The following CSF1R variants were observed in gnomAD, a reference collection of about 807,000 sequenced individuals.
The protein encoded by CSF1R is colony stimulating factor 1 receptor.
Under a neutral mutation model 110.0 loss-of-function variants are expected in CSF1R, and 40 were observed. The observed-to-expected ratio is 0.36, with a 90% CI of 0.28 to 0.47. The LOEUF is 0.47. CSF1R is among the 20% of genes least tolerant of loss of function. The pLI is 0.99. For missense variants in CSF1R, 1,052 were observed against 1,253.0 expected (o/e 0.84, Z 2.42); for synonymous variants, 523 against 503.4 (o/e 1.04, Z -0.52).
rs1334700825 is a variant in CSF1R, at chr5:150,080,202, G to A, written c.442C>T (p.Leu148Phe). ...AAGGAGTAGTTGGTGTGGCGCATGA[G>A]GGGCCGGCCACGCACACGCACCAGC... ...VSLVRVRGRP[L>F]MRHTNYSFSP... The change falls in exon 3 of 21, where the codon CTC becomes TTC. Residue 148 changes from leucine to phenylalanine, a missense_variant. Coordinates refer to ENST00000675795, the MANE Select transcript of CSF1R (RefSeq NM_001288705.3). 9 of 1,613,580 alleles carry A rather than the reference G, an allele frequency of 5.6e-6. No individual in the cohort carries two copies. The highest frequency in any genetic ancestry group is 7.6e-6 in the Non-Finnish European group (9 of 1,180,056).
intron 1 of CSF1R, among the ~76,000 whole-genome samples, chr5:150,099,737 C>T (rs977602049): frequency 7.7e-5 from 2 of 25,818 alleles, no homozygotes; most frequent in African/African-American, 3.2e-4. Context: ...TTCAAAGAAC[C>T]GGCAGGGGGG....
intron 1 of CSF1R, among the ~76,000 whole-genome samples, chr5:150,086,156 A>G (rs1758836177): frequency 6.6e-6 from 1 of 152,208 alleles, no homozygotes; most frequent in Non-Finnish European, 1.5e-5. Flanking sequence ...AGTCGCTGGC[A>G]GAGCTGGGAC....
intron 19 of CSF1R, 75 bp from the exon 20 acceptor site, chr5:150,054,505 G>C: frequency 7.9e-7 from 1 of 1,259,678 alleles, no homozygotes; most frequent in East Asian, 2.4e-5. Flanking sequence ...CCCCTAGAGA[G>C]ACCTACCCAG....
At chr5:150,094,318 A>G in intron 1 of CSF1R, 1 of 1,595,528 alleles carries the variant, frequency 6.3e-7, no homozygotes, top group Non-Finnish European at 8.5e-7. Flanking sequence ...GGTGTAGAAG[A>G]GAAGAAGAAG....
Position 150,078,106 on chromosome 5 carries a change from A to G in CSF1R, c.729+6T>C. Reference sequence around the variant, plus strand: ...AGACTTCACCTTGTGATCTGCAGGGACTGACCTTGGTGTTGTTGTGTTGGA... The same window carrying G: ...AGACTTCACCTTGTGATCTGCAGGGGCTGACCTTGGTGTTGTTGTGTTGGA... On this transcript the variant is annotated splice_donor_region_variant and intron_variant, in intron 4 of 20. Transcript: ENST00000675795. 1 of 1,614,040 alleles carries G rather than the reference A, an allele frequency of 6.2e-7. No individual in the cohort carries two copies. Among genetic ancestry groups the G allele is most frequent in the African/African-American group, 1.3e-5 (1 of 75,008 alleles).
chr5:150,053,793 G>T lies in CSF1R; in HGVS notation c.*276C>A. 1.9e-6 allele frequency: 1 copy of T among 536,604 alleles called. No individual in the cohort carries two copies. Among genetic ancestry groups the T allele is most frequent in the Non-Finnish European group, 3.4e-6 (1 of 298,094 alleles). The allele number at this position is 536,604 out of a possible 1,614,324, so 33.2% of individuals were successfully genotyped here. A position where few individuals can be genotyped will look rare whatever the true frequency, so the allele number is the denominator to read the frequency against. On this transcript the variant is annotated 3_prime_UTR_variant, in exon 21 of 21. Coordinates refer to ENST00000675795, the MANE Select transcript of CSF1R (RefSeq NM_001288705.3). ...ATTAGGAAAGAAGGTTCTACTAGTT[G>T]GCATAGCAAACACGAGGCCAACACC...
At chr5:150,095,175 G>C in intron 1 of CSF1R, 1 of 625,326 alleles carries the variant, frequency 1.6e-6, no homozygotes, top group Non-Finnish European at 2.7e-6. Context: ...TGATAGACCC[G>C]AAAGGAGAGA....
Position 150,078,132 on chromosome 5 carries a change from G to A in CSF1R, c.709C>T (p.Leu237Phe), listed in dbSNP as rs770232434. The A allele has an allele frequency of 2.5e-6, 4 of 1,614,124 alleles. No homozygotes were observed. The highest frequency in any genetic ancestry group is 3.4e-6 in the Non-Finnish European group (4 of 1,179,996). The part of the protein sequence containing the change: ...SSVDVNFDVF[L>F]QHNNTKLAIP... Reference sequence around the variant, plus strand: ...CTGACCTTGGTGTTGTTGTGTTGGAGGAAGACATCAAAGTTAACATCAACG... The same window carrying A: ...CTGACCTTGGTGTTGTTGTGTTGGAAGAAGACATCAAAGTTAACATCAACG... The change falls in exon 4 of 21, where the codon CTC becomes TTC. Residue 237 changes from leucine to phenylalanine, a missense_variant. Physicochemically the swap from Leu to Phe is conservative, Grantham distance 22. This residue lies in a region of CSF1R where 693 missense variants were observed against 735.4 expected (regional missense o/e 0.94). Transcript: ENST00000675795.
upstream of CSF1R, among the ~76,000 whole-genome samples, chr5:150,088,141 A>G (rs1343735930): frequency 1.3e-5 from 2 of 152,130 alleles, no homozygotes; most frequent in Non-Finnish European, 2.9e-5. Context: ...GTGTGTTTGT[A>G]TGTATATTTA....
In CSF1R at chr5:150,080,923, C is replaced by G; in HGVS notation, c.151G>C (p.Asp51His). ...GTCCAGTGAGGTGATGGGGGGCCAT[C>G]CCATTCCACGCTGCCATTGCCCACA... ...RCVGNGSVEW[D>H]GPPSPHWTLY... Residue 51 changes from aspartate to histidine, a missense_variant, in exon 2 of 21, where the codon GAT becomes CAT. Asp to His is a moderately conservative substitution (Grantham distance 81). This residue lies in a region of CSF1R where 693 missense variants were observed against 735.4 expected (regional missense o/e 0.94). Coordinates refer to ENST00000675795, the MANE Select transcript of CSF1R (RefSeq NM_001288705.3). The G allele has an allele frequency of 1.2e-6, 2 of 1,614,192 alleles. No individual in the cohort carries two copies. Among genetic ancestry groups the G allele is most frequent in the Non-Finnish European group, 8.5e-7 (1 of 1,180,038 alleles).
chr5:150,059,844 G>A lies in CSF1R; in HGVS notation c.1988C>T (p.Thr663Met), dbSNP rs200489778. ...CTHGGPVLVI[T>M]EYCCYGDLLN... ...CAGGTCGCCATAGCAACAGTACTCC[G>A]TGATGACCAGTACAGGGCCTAGAGC... is the stretch of plus-strand genomic sequence containing the variant. The change falls in exon 14 of 21, where the codon ACG (threonine) becomes ATG (methionine). Residue 663 changes from threonine to methionine, a missense_variant. Transcript: ENST00000675795. The A allele has an allele frequency of 6.8e-6, 11 of 1,613,924 alleles. No individual in the cohort carries two copies. Among genetic ancestry groups the A allele is most frequent in the South Asian group, 1.1e-5 (1 of 91,070 alleles).
intron 13 of CSF1R, 95 bp from the exon 14 acceptor site, chr5:150,059,957 G>C: frequency 7.1e-7 from 1 of 1,404,850 alleles, no homozygotes; most frequent in South Asian, 1.4e-5. Context: ...CACTGGACTT[G>C]GACTCAGCAT....
intron 1 of CSF1R, among the ~76,000 whole-genome samples, chr5:150,083,533 C>T (rs1475009582): frequency 6.6e-6 from 1 of 152,056 alleles, no homozygotes; most frequent in Non-Finnish European, 1.5e-5. Context: ...CTCATCCACT[C>T]ATCATTGGTC....
In CSF1R at chr5:150,080,761, C is replaced by A; in HGVS notation, c.307+6G>T. ...GGCCTCTTGGGAGGAGGCTCAGACT[C>A]CTCACCTTTGACATAGAGGTGGATG... On this transcript the variant is annotated splice_donor_region_variant and intron_variant, in intron 2 of 20. Transcript: ENST00000675795. 1 of 1,614,036 alleles carries A rather than the reference C, an allele frequency of 6.2e-7. No homozygotes were observed. The highest frequency in any genetic ancestry group is 8.5e-7 in the Non-Finnish European group (1 of 1,179,974).
In CSF1R at chr5:150,085,774, C is replaced by T. The variant is rs532713800; in HGVS notation, c.49+605G>A. On this transcript the variant is annotated intron_variant, in intron 1 of 20. Transcript: ENST00000675795. Reference sequence around the variant, plus strand: ...TTACACAAGCCACCCAAGGAAGAACCACCACCCCTATCAGGCCCTTCCAAA... The same window carrying T: ...TTACACAAGCCACCCAAGGAAGAACTACCACCCCTATCAGGCCCTTCCAAA... Among the ~76,000 whole-genome samples, 5 of 152,280 alleles carry T rather than the reference C, an allele frequency of 3.3e-5. No individual in the cohort carries two copies. The South Asian group carries it at 1.0e-3, about 32-fold the overall frequency.
In CSF1R at chr5:150,069,888, T is replaced by C; in HGVS notation, c.1495A>G (p.Ile499Val). 6.2e-7 allele frequency: 1 copy of C among 1,611,966 alleles called. No individual in the cohort carries two copies. Among genetic ancestry groups the C allele is most frequent in the Non-Finnish European group, 8.5e-7 (1 of 1,178,936 alleles). ...NSVGSGSWAFIPISAGAHTHP... is the reference protein window; with the variant it reads ...NSVGSGSWAFVPISAGAHTHP... ...TCCCTCTCACCTGCAGAGATGGGTA[T>C]GAAGGCCCAGGAGCCACTCCCCACG... Residue 499 changes from isoleucine to valine, a missense_variant, in exon 9 of 21, where the codon ATA (isoleucine) becomes GTA (valine). This residue lies in a region of CSF1R where 693 missense variants were observed against 735.4 expected (regional missense o/e 0.94). Coordinates refer to ENST00000675795, the MANE Select transcript of CSF1R (RefSeq NM_001288705.3).
At position 150,053,898 on chromosome 5, in the gene CSF1R, G is replaced by A. The variant is rs1757047150; in HGVS notation, c.*171C>T. ...CAGTGATGGCCCATGCTCAGGAAGT[G>A]GGATCCTCTGACCTCCCCTGAATCC... On this transcript the variant is annotated 3_prime_UTR_variant, in exon 21 of 21. Transcript: ENST00000675795. The A allele has an allele frequency of 4.5e-6, 3 of 672,784 alleles. No individual in the cohort carries two copies. Among genetic ancestry groups the A allele is most frequent in the South Asian group, 1.8e-5 (1 of 54,526 alleles). 41.7% of individuals were successfully genotyped at this position (672,784 alleles called of 1,614,324 possible).
At chr5:150,068,934 C>T (rs758789721) in intron 9 of CSF1R, among the ~76,000 whole-genome samples, 127 of 152,322 alleles carry the variant, frequency 8.3e-4, no homozygotes, top group Admixed American at 1.4e-3. Flanking sequence ...TCAAGTTTCA[C>T]CTGTGCCACT....
Position 150,062,194 on chromosome 5 carries a change from C to T in CSF1R, c.1627-345G>A, listed in dbSNP as rs1011180240. Among the ~76,000 whole-genome samples, 4 of 115,600 alleles carry T rather than the reference C, an allele frequency of 3.5e-5. 1 individual carries two copies. In the Middle Eastern group the frequency reaches 0.016, roughly 466 times the overall value. The allele number at this position is 115,600 out of a possible 152,430, so 75.8% of individuals were successfully genotyped here. ...GGTGGAACTTGAGATCTTATCCATC[C>T]GTTCATCTGTCCATCCATCTACCCA... On this transcript the variant is annotated intron_variant, in intron 10 of 20. Coordinates refer to ENST00000675795, the MANE Select transcript of CSF1R (RefSeq NM_001288705.3).
Sources: gnomAD v4.1 joint callset for allele counts (sites outside exome capture counted in the v4.1 genomes callset) on GRCh38, gnomAD v4.1.1 for gene constraint, gnomAD v4.1.1 regional missense constraint, MANE v1.5 for transcripts, NCBI Gene and HGNC (gene_info 2026-07-23, HGNC 2026-07-21) for gene names.